The following PCNT variants were observed in gnomAD, a reference collection of about 807,000 sequenced individuals.
PCNT encodes the protein pericentrin, also known as kendrin.
PCNT carries 319 observed loss-of-function variants against 380.4 expected under a neutral mutation model. The observed-to-expected ratio is 0.84, with a 90% CI of 0.77 to 0.92. The LOEUF is 0.92. Ranked by LOEUF, PCNT falls within the 40% of genes least tolerant of loss-of-function variation. PCNT has a pLI of 0.00. For missense variants in PCNT, 4,400 were observed against 4,255.3 expected, an observed-to-expected ratio of 1.03 and a Z score of -0.95; for synonymous variants, 1,845 against 1,735.2, an observed-to-expected ratio of 1.06 and a Z score of -1.57.
chr21:46,331,030 G>C (rs544005493), intron 2 of PCNT, among the ~76,000 whole-genome samples: 7 of 151,692 alleles, frequency 4.6e-5, no homozygotes, highest in Non-Finnish European at 1.0e-4. Flanking sequence ...GTGTGTGTTT[G>C]TGTGTGTGTG....
At position 46,388,014 on chromosome 21, in the gene PCNT, T is replaced by G. The variant is rs2085900215; in HGVS notation, c.3465-728T>G. On this transcript the variant is annotated intron_variant, in intron 17 of 46. Transcript: ENST00000359568. This position sits in a 1 kb window ranked among gnomAD's most constrained non-coding sequence, Gnocchi z 4.2. ...TCATGAGGTCAGGAGATCGAGACCA[T>G]CCTGGCTAACATGGTGAAACCCCAT... 6.6e-6 allele frequency among the ~76,000 whole-genome samples: 1 copy of G among 151,782 alleles called. No homozygotes were observed. Among genetic ancestry groups the G allele is most frequent in the Admixed American group, 6.6e-5 (1 of 15,238 alleles).
In PCNT at chr21:46,434,467, G is replaced by A. The variant is rs573079892; in HGVS notation, c.8752-1437G>A. 1.8e-4 allele frequency among the ~76,000 whole-genome samples: 27 copies of A among 152,356 alleles called. 1 individual carries two copies. In the South Asian group the frequency reaches 4.8e-3, roughly 27 times the overall value. On this transcript the variant is annotated intron_variant, in intron 38 of 46. Transcript: ENST00000359568. ...CCGCCTCTGTGTGTCTGCATCTTGG[G>A]CCTCTTCCCGCTGGATCTGTCTTTG...
intron 4 of PCNT, 149 bp from the exon 5 acceptor site, chr21:46,346,594 G>C (rs2084075973): frequency 8.3e-6 from 8 of 963,918 alleles, no homozygotes; most frequent in Non-Finnish European, 1.3e-5. Flanking sequence ...TGGCATCCGG[G>C]CCTCTGTGTC....
At chr21:46,344,801 C>G (rs888132858) in intron 3 of PCNT, among the ~76,000 whole-genome samples, 15 of 152,218 alleles carry the variant, frequency 9.9e-5, no homozygotes, top group Non-Finnish European at 1.9e-4. Context: ...TTTCTTTTCC[C>G]TTTGGGTTAT....
Position 46,438,256 on chromosome 21 carries a change from G to T in PCNT, c.9192G>T (p.Gln3064His). ...SLTKALSTVT[Q>H]EKLELSRAVS... ...CAAAAGCGCTCAGCACGGTGACCCAGGAGAAGCTGGAGCTGAGCAGAGCCG... is the reference window on the plus strand; with the variant it reads ...CAAAAGCGCTCAGCACGGTGACCCATGAGAAGCTGGAGCTGAGCAGAGCCG... Residue 3064 changes from glutamine (Q) to histidine (H), a missense_variant, in exon 41 of 47, where the codon CAG becomes CAT. Gln to His is a conservative substitution (Grantham distance 24, BLOSUM62 0). Transcript: ENST00000359568. The T allele has an allele frequency of 6.2e-7, 1 of 1,614,220 alleles. No homozygotes were observed. Among genetic ancestry groups the T allele is most frequent in the Non-Finnish European group, 8.5e-7 (1 of 1,180,012 alleles).
chr21:46,392,531 G>T (rs1367796439), intron 21 of PCNT, among the ~76,000 whole-genome samples: 2 of 152,188 alleles, frequency 1.3e-5, no homozygotes, highest in African/African-American at 2.4e-5. Context: ...AGCTCCTATG[G>T]TTTCTCACTG....
chr21:46,443,765 CATTT>C (rs1297664004), intron 44 of PCNT, 41 bp from the exon 45 acceptor site: 8 of 1,602,152 alleles, frequency 5.0e-6, no homozygotes, highest in Non-Finnish European at 6.8e-6. Context: ...AAAATGCATT[CATTT>C]ATTTTCCTAA....
intron 3 of PCNT, among the ~76,000 whole-genome samples, chr21:46,338,062 A>G (rs899432557): frequency 1.3e-5 from 2 of 151,932 alleles, no homozygotes; most frequent in African/African-American, 4.8e-5. Flanking sequence ...ATTTTTTTGT[A>G]GAGACAGGGT....
rs1296128384 is a variant in PCNT, at chr21:46,431,904, C to T, written c.8440C>T (p.Gln2814Ter). The T allele has an allele frequency of 6.2e-7, 1 of 1,613,986 alleles. No individual in the cohort carries two copies. The highest frequency in any genetic ancestry group is 2.2e-5 in the East Asian group (1 of 44,898). ...LQAMLEKVQQ[Q>*]ALHSQQQLEA... ...AGCGATGCTTGAAAAGGTGCAGCAG[C>T]AAGCCCTGCATTCTCAGCAGCAGCT... Residue 2814 changes from glutamine (Q) to a stop codon, truncating the protein, a stop_gained, in exon 38 of 47, where the codon CAA (glutamine) becomes TAA (stop). Coordinates refer to ENST00000359568, the MANE Select transcript of PCNT (RefSeq NM_006031.6). LOFTEE classifies it high-confidence loss of function.
intron 16 of PCNT, among the ~76,000 whole-genome samples, chr21:46,384,214 A>G: frequency 6.8e-6 from 1 of 147,238 alleles, no homozygotes; most frequent in South Asian, 2.3e-4. Context: ...GCAGAAGCGC[A>G]TTCACGGTGT....
At chr21:46,353,398 T>G in intron 10 of PCNT, 72 bp downstream of exon 10, 3 of 1,256,308 alleles carry the variant, frequency 2.4e-6, no homozygotes, top group Non-Finnish European at 3.5e-6. Context: ...AGGGGTAGTT[T>G]TGTTGGTGAT....
Position 46,363,568 on chromosome 21 carries a change from A to G in PCNT, c.2243A>G (p.Lys748Arg). 6.2e-7 allele frequency: 1 copy of G among 1,614,120 alleles called. No individual in the cohort carries two copies. Among genetic ancestry groups the G allele is most frequent in the African/African-American group, 1.3e-5 (1 of 75,026 alleles). ...CTGATGAAACAGGAATTCCAAAGAA[A>G]AGAAACGGACTGGAAAGTTATGAAG... ...TELMKQEFQR[K>R]ETDWKVMKEE... Residue 748 changes from lysine (K) to arginine (R), a missense_variant, in exon 14 of 47, where the codon AAA (lysine) becomes AGA (arginine). Coordinates refer to ENST00000359568, the MANE Select transcript of PCNT (RefSeq NM_006031.6).
chr21:46,396,600 TTTTA>T (rs926744498), intron 21 of PCNT, among the ~76,000 whole-genome samples: 6 of 152,102 alleles, frequency 3.9e-5, no homozygotes, highest in Admixed American at 1.3e-4. Flanking sequence ...ACCCAGTTAA[TTTTA>T]TTTATTTATT....
chr21:46,421,924 C>T (rs755306009), intron 31 of PCNT, 46 bp from the exon 32 acceptor site: 2 of 1,608,692 alleles, frequency 1.2e-6, no homozygotes, highest in East Asian at 4.5e-5. Context: ...CCTGGGGAAC[C>T]CCCTGGAGAG....
chr21:46,362,617 C>G (rs2146838873), intron 13 of PCNT, among the ~76,000 whole-genome samples: 1 of 152,128 alleles, frequency 6.6e-6, no homozygotes, highest in East Asian at 1.9e-4. Flanking sequence ...TTGATGAGTT[C>G]AGTAGTTTAT....
rs1555996854 is a variant in PCNT at position 46,426,075 on chromosome 21, T to TTTTC, written c.7320+107_7320+108insCTTT. Reference sequence around the variant, plus strand: ...TGGACACTAGGATTTCTTTCTTTTTTTTTTTTTTTTTTTTTTTTTTTGAGA... The same window carrying TTTTC: ...TGGACACTAGGATTTCTTTCTTTTTTTTTCTTTTTTTTTTTTTTTTTTTTTGAGA... On this transcript the variant is annotated intron_variant, in intron 33 of 46. Transcript: ENST00000359568. 15 of 796,260 alleles carry TTTTC rather than the reference T, an allele frequency of 1.9e-5. No homozygotes were observed. In the East Asian group the frequency reaches 3.5e-4, roughly 19 times the overall value. 49.3% of individuals were successfully genotyped at this position (796,260 alleles called of 1,614,324 possible). A position where few individuals can be genotyped will look rare whatever the true frequency, so the allele number is the denominator to read the frequency against.
At chr21:46,373,608 A>G (rs1234645548) in intron 15 of PCNT, among the ~76,000 whole-genome samples, 2 of 125,940 alleles carry the variant, frequency 1.6e-5, no homozygotes, top group African/African-American at 6.3e-5. Flanking sequence ...TTGTATTTTT[A>G]GTAGAGATGG....
In PCNT at chr21:46,401,712, C is replaced by T. The variant is rs760142269; in HGVS notation, c.4953C>T (p.Arg1651=). ...TGACACAGAGAGCACTCCTGCGGCG[C>T]GAGAGCGAGGTGAGTGCAGAGTGGG... The part of the protein sequence containing the change: ...LEVTQRALLR[R]ESEVLDLKEQ... The change falls in exon 26 of 47, where the codon CGC becomes CGT. Residue 1651 remains arginine (R), a synonymous_variant. Coordinates refer to ENST00000359568, the MANE Select transcript of PCNT (RefSeq NM_006031.6). 18 of 1,613,914 alleles carry T rather than the reference C, an allele frequency of 1.1e-5. No individual in the cohort carries two copies. In the East Asian group the frequency reaches 1.8e-4, roughly 16 times the overall value.
Position 46,431,795 on chromosome 21 carries a change from G to T in PCNT, c.8331G>T (p.Glu2777Asp). The stretch of plus-strand genomic sequence containing the variant: ...AGCAGCTGAGCCAGAGGACACAGGA[G>T]GCTTGCGTGCACCAGGACACACAGG... ...LTEQLSQRTQ[E>D]ACVHQDTQAH... The change falls in exon 38 of 47, where the codon GAG (glutamate) becomes GAT (aspartate). Residue 2777 changes from glutamate to aspartate, a missense_variant. Physicochemically the swap from Glu to Asp is conservative, Grantham distance 45 (BLOSUM62 2). Transcript: ENST00000359568. The T allele has an allele frequency of 6.2e-7, 1 of 1,613,488 alleles. No individual in the cohort carries two copies. The highest frequency in any genetic ancestry group is 8.5e-7 in the Non-Finnish European group (1 of 1,180,038).
Sources: gnomAD v4.1 joint callset for allele counts (sites outside exome capture counted in the v4.1 genomes callset) on GRCh38, gnomAD v4.1.1 for gene constraint, Gnocchi (gnomAD v3.1) non-coding constraint, MANE v1.5 for transcripts, NCBI Gene and HGNC (gene_info 2026-07-23, HGNC 2026-07-21) for gene names.